ZDHHC17: variants seen among roughly 807,000 people sequenced by gnomAD.
ZDHHC17 encodes palmitoyltransferase ZDHHC17.
In ZDHHC17, 40 loss-of-function variants were observed where a neutral mutation model predicts 90.3. The observed-to-expected ratio is 0.44, with a 90% CI of 0.34 to 0.58. The LOEUF (loss-of-function observed/expected upper bound fraction) is 0.58. Among genes scored for constraint, ZDHHC17 ranks in the 20% least tolerant of loss-of-function variants. The pLI is 0.01. For synonymous variants in ZDHHC17, 235 were observed against 252.4 expected (o/e 0.93, Z 0.65); for missense variants, 614 against 780.8 (o/e 0.79, Z 2.55).
chr12:76,765,461 G>A (rs1952420342), intron 1 of ZDHHC17, among the ~76,000 whole-genome samples: 1 of 152,192 alleles, frequency 6.6e-6, no homozygotes, highest in Non-Finnish European at 1.5e-5. Flanking sequence ...AGTAGAAAAG[G>A]CTACTCTGGG....
At chr12:76,779,998 T>C (rs1952603994) in intron 1 of ZDHHC17, among the ~76,000 whole-genome samples, 1 of 152,222 alleles carries the variant, frequency 6.6e-6, no homozygotes, top group South Asian at 2.1e-4. Context: ...GTCTTCTGTT[T>C]CATTGATTTA....
chr12:76,826,928 G>A lies in ZDHHC17; in HGVS notation c.918G>A (p.Met306Ile). Residue 306 changes from methionine to isoleucine, a missense_variant, in exon 9 of 17, where the codon ATG (methionine) becomes ATA (isoleucine). Around this residue, in one of 5 missense-constraint regions of ZDHHC17, gnomAD observed 358 missense variants for 380.4 expected, o/e 0.94. Coordinates refer to ENST00000426126, the MANE Select transcript of ZDHHC17 (RefSeq NM_015336.4). ...KADKEFRQKVMLGTPFLVIWL... is the reference protein window; with the variant it reads ...KADKEFRQKVILGTPFLVIWL... ...TACAGGAATTTCGGCAGAAAGTAAT[G>A]TTAGGAACTCCTTTCCTAGTTATTT... The A allele has an allele frequency of 6.6e-7, 1 of 1,513,492 alleles. No individual in the cohort carries two copies. The highest frequency in any genetic ancestry group is 8.7e-7 in the Non-Finnish European group (1 of 1,143,354). 93.8% of individuals were successfully genotyped at this position (1,513,492 alleles called of 1,614,324 possible). A position where few individuals can be genotyped will look rare whatever the true frequency, so the allele number is the denominator to read the frequency against.
At chr12:76,782,430 A>G (rs1289726627) in intron 1 of ZDHHC17, among the ~76,000 whole-genome samples, 2 of 152,338 alleles carry the variant, frequency 1.3e-5, no homozygotes, top group East Asian at 3.9e-4. Flanking sequence ...GATATATAAA[A>G]TAGCTTTGCA....
rs769652333 is a variant in ZDHHC17 at position 76,828,504 on chromosome 12, A to G, written c.1141+14A>G. 1 of 1,608,564 alleles carries G rather than the reference A, an allele frequency of 6.2e-7. No individual in the cohort carries two copies. The highest frequency in any genetic ancestry group is 1.1e-5 in the South Asian group (1 of 89,828). On this transcript the variant is annotated intron_variant, in intron 10 of 16. Transcript: ENST00000426126. ...GGTTTTGGAATGATATCCTTTGGTT[A>G]TAAAGATCATACCAAAAACAAATTT...
chr12:76,849,203 T>G (rs1390023312), intron 15 of ZDHHC17, among the ~76,000 whole-genome samples, 173 bp from the exon 16 acceptor site: 40 of 3,042 alleles, frequency 0.013, no homozygotes, highest in South Asian at 0.039. Flanking sequence ...CAGCTGCTGG[T>G]GGGGTGGGGG....
In ZDHHC17 at chr12:76,816,063, A is replaced by T. The variant is rs192442836; in HGVS notation, c.771+44A>T. On this transcript the variant is annotated intron_variant, in intron 7 of 16. Coordinates refer to ENST00000426126, the MANE Select transcript of ZDHHC17 (RefSeq NM_015336.4). ...GATAATACTGTATGAAATGTGGCTA[A>T]TATGTGAATTCTGTAATAAAACAAG... 1.8e-4 allele frequency: 249 copies of T among 1,370,042 alleles called. 2 individuals carry two copies. In the Admixed American group the frequency reaches 7.8e-3, roughly 43 times the overall value. The allele number at this position is 1,370,042 out of a possible 1,614,324, so 84.9% of individuals were successfully genotyped here. A position where few individuals can be genotyped will look rare whatever the true frequency, so the allele number is the denominator to read the frequency against.
In ZDHHC17 at chr12:76,848,284, A is replaced by G; in HGVS notation, c.1559A>G (p.Tyr520Cys). The G allele has an allele frequency of 3.1e-6, 5 of 1,613,944 alleles. No homozygotes were observed. Among genetic ancestry groups the G allele is most frequent in the Non-Finnish European group, 3.4e-6 (4 of 1,179,870 alleles). The stretch of plus-strand genomic sequence containing the variant: ...TACACCAAGGATGGATTTTGGACAT[A>G]CATTACTCAGATTGCCACGTGTTCA... Reference protein sequence around the residue: ...TTYTKDGFWTYITQIATCSPW... With the variant: ...TTYTKDGFWTCITQIATCSPW... The change falls in exon 15 of 17, where the codon TAC becomes TGC. Residue 520 changes from tyrosine to cysteine, a missense_variant. Physicochemically the swap from Tyr to Cys is radical, Grantham distance 194. Coordinates refer to ENST00000426126, the MANE Select transcript of ZDHHC17 (RefSeq NM_015336.4).
At chr12:76,837,268 T>C (rs1953377348) in intron 10 of ZDHHC17, among the ~76,000 whole-genome samples, 1 of 152,196 alleles carries the variant, frequency 6.6e-6, no homozygotes, top group Non-Finnish European at 1.5e-5. Context: ...CTCAAGTAGC[T>C]AGGATTACAG....
At chr12:76,792,382 A>T (rs1952768634) in intron 1 of ZDHHC17, among the ~76,000 whole-genome samples, 1 of 152,222 alleles carries the variant, frequency 6.6e-6, no homozygotes, top group Non-Finnish European at 1.5e-5. Context: ...CTTGGCGAAT[A>T]GTTGATTGGT....
intron 1 of ZDHHC17, among the ~76,000 whole-genome samples, chr12:76,773,958 T>C (rs1389587258): frequency 2.0e-5 from 3 of 152,142 alleles, no homozygotes; most frequent in Admixed American, 6.5e-5. Context: ...TAAGGTAAAA[T>C]ATACTTCTGG....
At chr12:76,842,845 G>T in intron 11 of ZDHHC17, 74 bp from the exon 12 acceptor site, 1 of 1,046,408 alleles carries the variant, frequency 9.6e-7, no homozygotes, top group South Asian at 1.5e-5. Flanking sequence ...CATGTTTATT[G>T]ATTCATAGTG....
chr12:76,772,790 C>T (rs1389509979), intron 1 of ZDHHC17, among the ~76,000 whole-genome samples: 1 of 151,648 alleles, frequency 6.6e-6, no homozygotes, highest in Admixed American at 6.6e-5. Flanking sequence ...CGTGATCCAC[C>T]CGCCTCGGCC....
chr12:76,774,838 T>C (rs187581748), intron 1 of ZDHHC17, among the ~76,000 whole-genome samples: 5 of 152,384 alleles, frequency 3.3e-5, no homozygotes, highest in East Asian at 1.9e-4. Context: ...TTGTGACTTA[T>C]AGTTAATGGT....
chr12:76,843,147 G>T (rs538677494), intron 12 of ZDHHC17, among the ~76,000 whole-genome samples, 166 bp downstream of exon 12: 1 of 152,084 alleles, frequency 6.6e-6, no homozygotes, highest in Non-Finnish European at 1.5e-5. Flanking sequence ...TTCCCAAGGC[G>T]CTTATTCCTC....
rs759286350 is a variant in ZDHHC17, at chr12:76,850,857, G to A, written c.1771G>A (p.Val591Ile). ...SIESPFNHGCVRNIIDFFEFR... is the reference protein window; with the variant it reads ...SIESPFNHGCIRNIIDFFEFR... ...GGGTGCTGTTTTTAGCCATGGATGTGTAAGAAATATTATAGACTTCTTTGA... is the reference window on the plus strand; with the variant it reads ...GGGTGCTGTTTTTAGCCATGGATGTATAAGAAATATTATAGACTTCTTTGA... The change falls in exon 17 of 17, where the codon GTA (valine) becomes ATA (isoleucine). Residue 591 changes from valine (V) to isoleucine (I), a missense_variant. Around this residue, in one of 5 missense-constraint regions of ZDHHC17, gnomAD observed 111 missense variants for 179.8 expected, o/e 0.62. Transcript: ENST00000426126. 6.2e-7 allele frequency: 1 copy of A among 1,613,820 alleles called. No individual in the cohort carries two copies. The highest frequency in any genetic ancestry group is 8.5e-7 in the Non-Finnish European group (1 of 1,179,814).
chr12:76,797,087 A>T (rs990918757), intron 1 of ZDHHC17, among the ~76,000 whole-genome samples: 8 of 151,808 alleles, frequency 5.3e-5, no homozygotes, highest in African/African-American at 1.9e-4. Context: ...ACATGGTGAA[A>T]CCCCGTCTCA....
chr12:76,840,182 A>T (rs1311538850), intron 10 of ZDHHC17: 4 of 152,152 alleles, frequency 2.6e-5, no homozygotes, highest in African/African-American at 9.7e-5. Context: ...AGTCATAATT[A>T]AAAATGCAGA....
At chr12:76,815,075 AT>A in intron 5 of ZDHHC17, 70 bp from the exon 6 acceptor site, 1 of 1,115,566 alleles carries the variant, frequency 9.0e-7, no homozygotes, top group South Asian at 1.5e-5. Flanking sequence ...TATAGATTAG[AT>A]TTTTCCAAGC....
intron 7 of ZDHHC17, chr12:76,821,111 G>C: frequency 7.8e-7 from 1 of 1,288,246 alleles, no homozygotes; most frequent in Non-Finnish European, 1.0e-6. Flanking sequence ...CAGCTGGACC[G>C]AGGCAACTGC....
Sources: gnomAD v4.1 joint callset for allele counts (sites outside exome capture counted in the v4.1 genomes callset) on GRCh38, gnomAD v4.1.1 for gene constraint, gnomAD v4.1.1 regional missense constraint, MANE v1.5 for transcripts, NCBI Gene and HGNC (gene_info 2026-07-23, HGNC 2026-07-21) for gene names.